Variants in CEP63 observed in about 807,000 individuals in gnomAD.
CEP63 encodes centrosomal protein 63.
CEP63 carries 84 observed loss-of-function variants against 89.1 expected under a neutral mutation model. The ratio of observed to expected loss-of-function variants is 0.94; its 90% CI spans 0.79 to 1.13. The LOEUF (loss-of-function observed/expected upper bound fraction) is 1.13, where lower values mean the gene tolerates loss of function less well. CEP63 is among the 50% of genes most tolerant of loss of function. CEP63 has a pLI of 0.00. For missense variants in CEP63, 838 were observed against 813.3 expected (o/e 1.03, Z -0.37); for synonymous variants, 267 against 272.5 (o/e 0.98, Z 0.20).
intron 8 of CEP63, among the ~76,000 whole-genome samples, chr3:134,547,046 T>G (rs969939323): frequency 1.7e-4 from 26 of 152,224 alleles, no homozygotes; most frequent in East Asian, 9.6e-4. Context: ...ACTTTTCAGT[T>G]TTTTTGGTAC....
chr3:134,690,841 T>C, the CEP63 span, among the ~76,000 whole-genome samples: 7 of 150,186 alleles, frequency 4.7e-5, no homozygotes, highest in Admixed American at 4.7e-4. Flanking sequence ...CTCCACCTCC[T>C]GGGTTCAAGC....
chr3:134,769,431 C>T, the CEP63 span, among the ~76,000 whole-genome samples: 1 of 152,192 alleles, frequency 6.6e-6, no homozygotes, highest in African/African-American at 2.4e-5. Flanking sequence ...ATTCAGGTCA[C>T]CTGGGAAGTT....
chr3:134,730,822 A>G, the CEP63 span, among the ~76,000 whole-genome samples: 1 of 152,146 alleles, frequency 6.6e-6, no homozygotes, highest in African/African-American at 2.4e-5. Context: ...ACAAGATAGA[A>G]TTATCACATT....
chr3:134,752,954 G>A, the CEP63 span, among the ~76,000 whole-genome samples: 1 of 152,086 alleles, frequency 6.6e-6, no homozygotes, highest in Non-Finnish European at 1.5e-5. Flanking sequence ...GCATGATATG[G>A]GTCTGGTGGC....
chr3:134,722,155 T>C, the CEP63 span, among the ~76,000 whole-genome samples: 1 of 152,164 alleles, frequency 6.6e-6, no homozygotes, highest in Non-Finnish European at 1.5e-5. Flanking sequence ...CTTTACTTGT[T>C]ATAGGTCTAT....
exon 11 of CEP63, among the ~76,000 whole-genome samples, chr3:134,587,541 A>G (rs964334866): frequency 6.6e-6 from 1 of 152,160 alleles, no homozygotes; most frequent in African/African-American, 2.4e-5. Context: ...AGAACAGCAA[A>G]TATTGCTGCC....
chr3:134,646,214 T>C, the CEP63 span, among the ~76,000 whole-genome samples: 2 of 152,188 alleles, frequency 1.3e-5, no homozygotes, highest in Admixed American at 1.3e-4. Flanking sequence ...CTTTGGCGTC[T>C]ACTTCAGTAG....
intron 3 of CEP63, among the ~76,000 whole-genome samples, chr3:134,525,295 C>T (rs1351757953): frequency 6.6e-6 from 1 of 151,946 alleles, no homozygotes; most frequent in African/African-American, 2.4e-5. Flanking sequence ...AGCTGGTGGT[C>T]TGTTTTAATT....
chr3:134,650,957 C>T, the CEP63 span: 1 of 1,613,196 alleles, frequency 6.2e-7, no homozygotes, highest in South Asian at 1.1e-5. Context: ...TTCTTCAGCT[C>T]CATGATGCCG....
chr3:134,725,722 C>T, the CEP63 span, among the ~76,000 whole-genome samples: 2 of 152,222 alleles, frequency 1.3e-5, no homozygotes, highest in Non-Finnish European at 2.9e-5. Flanking sequence ...AGTTCTGCAG[C>T]AGAGACAGGC....
chr3:134,733,755 A>G, the CEP63 span, among the ~76,000 whole-genome samples: 2 of 150,752 alleles, frequency 1.3e-5, no homozygotes, highest in Admixed American at 6.6e-5. Flanking sequence ...TACAGATTTC[A>G]GAGGGATCCT....
chr3:134,748,431 T>G, the CEP63 span, among the ~76,000 whole-genome samples: 3 of 152,166 alleles, frequency 2.0e-5, no homozygotes, highest in East Asian at 1.9e-4. Flanking sequence ...GTTTTGTTTT[T>G]TTTTTTAAGA....
At chr3:134,569,120 C>A (rs572293569), downstream of CEP63, among the ~76,000 whole-genome samples, 12 of 152,318 alleles carry the variant, frequency 7.9e-5, no homozygotes, top group Non-Finnish European at 1.5e-4. Context: ...CCACCAGATT[C>A]CTCCCACAAC....
the CEP63 span, among the ~76,000 whole-genome samples, chr3:134,650,043 A>G: frequency 6.6e-6 from 1 of 152,202 alleles, no homozygotes; most frequent in African/African-American, 2.4e-5. Context: ...CTGGCTTTTC[A>G]GGGGCTTATT....
the CEP63 span, among the ~76,000 whole-genome samples, chr3:134,727,542 G>T: frequency 4.6e-5 from 7 of 152,162 alleles, no homozygotes; most frequent in Non-Finnish European, 8.8e-5. Flanking sequence ...AAGGATAAAG[G>T]CCACATTTTG....
the CEP63 span, among the ~76,000 whole-genome samples, chr3:134,689,767 T>C: frequency 6.6e-6 from 1 of 152,182 alleles, no homozygotes; most frequent in Admixed American, 6.6e-5. Flanking sequence ...TATTATTTTT[T>C]AATGAACCTG....
chr3:134,535,092 CCCT>C (rs1325705224), intron 5 of CEP63, among the ~76,000 whole-genome samples: 4 of 152,058 alleles, frequency 2.6e-5, no homozygotes, highest in African/African-American at 9.7e-5. Flanking sequence ...ATCCAAATTT[CCCT>C]CCTCTTAAAT....
chr3:134,541,510 CTT>C (rs564947611), intron 6 of CEP63, among the ~76,000 whole-genome samples: 1 of 128,336 alleles, frequency 7.8e-6, no homozygotes. Flanking sequence ...TACTAGCCAA[CTT>C]TTTTTTTTTT....
At chr3:134,491,510 T>C (rs2107907321) in intron 1 of CEP63, among the ~76,000 whole-genome samples, 1 of 152,370 alleles carries the variant, frequency 6.6e-6, no homozygotes, top group South Asian at 2.1e-4. Flanking sequence ...ACTTTGCTTA[T>C]GGCACTTTTT....
Sources: gnomAD v4.1 joint callset for allele counts (sites outside exome capture counted in the v4.1 genomes callset) on GRCh38, gnomAD v4.1.1 for gene constraint, MANE v1.5 for transcripts, NCBI Gene and HGNC (gene_info 2026-07-23, HGNC 2026-07-21) for gene names.